Variants in PACRG observed in about 807,000 individuals in gnomAD.
PACRG encodes parkin coregulated.
In PACRG, 29 loss-of-function variants were observed where a neutral mutation model predicts 29.7. That is an observed-to-expected ratio of 0.98 (90% CI 0.73 to 1.33). PACRG has a LOEUF of 1.33. Ranked by LOEUF, PACRG falls within the 40% of genes most tolerant of loss-of-function variation. The pLI is 0.00. For missense variants in PACRG, 279 were observed against 316.2 expected (o/e 0.88, Z 0.89); for synonymous variants, 116 against 118.7 (o/e 0.98, Z 0.15).
chr6:162,989,828 G>A (rs1325961371), intron 2 of PACRG, among the ~76,000 whole-genome samples: 8 of 150,810 alleles, frequency 5.3e-5, no homozygotes, highest in Non-Finnish European at 8.8e-5. Flanking sequence ...ATGCTGGTGC[G>A]CTGCACCCAC....
At chr6:162,957,082 G>T (rs912482594) in intron 2 of PACRG, among the ~76,000 whole-genome samples, 2 of 151,932 alleles carry the variant, frequency 1.3e-5, no homozygotes, top group Non-Finnish European at 2.9e-5. Context: ...GTGATTTAGA[G>T]GTAGGCAGTA....
At chr6:163,056,954 T>G (rs1810644200) in intron 2 of PACRG, among the ~76,000 whole-genome samples, 1 of 152,160 alleles carries the variant, frequency 6.6e-6, no homozygotes, top group South Asian at 2.1e-4. Context: ...CCAGTGGGAT[T>G]CCTAATGAGG....
At chr6:162,782,360 A>T (rs1176020233) in intron 1 of PACRG, among the ~76,000 whole-genome samples, 1 of 151,946 alleles carries the variant, frequency 6.6e-6, no homozygotes, top group East Asian at 1.9e-4. Flanking sequence ...TTATTATAAC[A>T]AACATTTTTT....
intron 4 of PACRG, among the ~76,000 whole-genome samples, chr6:163,199,754 T>C (rs1780623168): frequency 6.6e-6 from 1 of 152,190 alleles, no homozygotes; most frequent in African/African-American, 2.4e-5. Flanking sequence ...CAGAACTCAT[T>C]CTTTAACTTA....
intron 2 of PACRG, among the ~76,000 whole-genome samples, chr6:163,021,800 C>T (rs1806649268): frequency 6.6e-6 from 1 of 152,204 alleles, no homozygotes; most frequent in African/African-American, 2.4e-5. Flanking sequence ...CCTGCCTTTG[C>T]CTGGGATGCC....
chr6:163,192,387 G>A (rs1468156530), intron 4 of PACRG, among the ~76,000 whole-genome samples: 1 of 152,174 alleles, frequency 6.6e-6, no homozygotes, highest in African/African-American at 2.4e-5. Flanking sequence ...CCATTGTTTA[G>A]AACTGTAATC....
chr6:163,015,707 ACT>A (rs1347451389), intron 2 of PACRG, among the ~76,000 whole-genome samples: 2 of 151,816 alleles, frequency 1.3e-5, no homozygotes, highest in African/African-American at 4.8e-5. Flanking sequence ...GTATCCTGAA[ACT>A]CTGCTGAAAT....
chr6:162,977,206 A>C (rs1342817535), intron 2 of PACRG, among the ~76,000 whole-genome samples: 3 of 152,100 alleles, frequency 2.0e-5, no homozygotes, highest in African/African-American at 7.2e-5. Flanking sequence ...TTGATAAATA[A>C]TATCACTAAC....
intron 4 of PACRG, among the ~76,000 whole-genome samples, chr6:163,130,752 G>C (rs500547): frequency 0.51 from 77,005 of 151,922 alleles, 19,994 homozygotes; most frequent in East Asian, 0.71. Flanking sequence ...TCCATGGACT[G>C]AGAGCACCTT....
intron 2 of PACRG, among the ~76,000 whole-genome samples, chr6:163,043,898 A>C (rs565084053): frequency 1.5e-4 from 23 of 152,284 alleles, no homozygotes; most frequent in Non-Finnish European, 1.9e-4. Flanking sequence ...CAAAGATTTC[A>C]GATACACGTT....
chr6:163,179,014 C>T (rs993108448), intron 4 of PACRG, among the ~76,000 whole-genome samples: 1 of 152,174 alleles, frequency 6.6e-6, no homozygotes, highest in African/African-American at 2.4e-5. Context: ...AAAGTTTTTA[C>T]TTTTCATTTG....
chr6:162,973,753 A>AGT (rs1410334398), intron 2 of PACRG, among the ~76,000 whole-genome samples: 3 of 148,246 alleles, frequency 2.0e-5, no homozygotes, highest in Non-Finnish European at 2.9e-5. Flanking sequence ...CCTTAAGAGT[A>AGT]GTGTGTGTGT....
chr6:163,122,499 CT>C (rs2128325398), intron 4 of PACRG, among the ~76,000 whole-genome samples: 1 of 152,292 alleles, frequency 6.6e-6, no homozygotes, highest in African/African-American at 2.4e-5. Flanking sequence ...AGTTCTCACC[CT>C]GCTGTTCCCA....
At chr6:163,244,418 C>T (rs1272225644) in intron 4 of PACRG, among the ~76,000 whole-genome samples, 2 of 152,136 alleles carry the variant, frequency 1.3e-5, no homozygotes, top group African/African-American at 4.8e-5. Context: ...ATTTTAGACA[C>T]TGAAAATACA....
In PACRG at chr6:163,121,697, C is replaced by T. The variant is rs1015463162; in HGVS notation, c.613+32289C>T. 4.1e-5 allele frequency among the ~76,000 whole-genome samples: 6 copies of T among 147,180 alleles called. No individual in the cohort carries two copies. In the East Asian group the frequency reaches 7.9e-4, roughly 19 times the overall value. On this transcript the variant is annotated intron_variant, in intron 4 of 4. Transcript: ENST00000366888. The stretch of plus-strand genomic sequence containing the variant: ...TTTTTTTTTTTTGAGACAGAGTCTC[C>T]GTCTGTCACCCAAGCTGGAGTGCAG...
intron 2 of PACRG, among the ~76,000 whole-genome samples, chr6:162,838,351 C>T (rs1228093639): frequency 6.6e-6 from 1 of 152,104 alleles, no homozygotes. Context: ...TTTTCCCATA[C>T]ATGTGGGAGG....
chr6:163,256,346 A>G (rs951582801), intron 4 of PACRG, among the ~76,000 whole-genome samples: 1 of 152,238 alleles, frequency 6.6e-6, no homozygotes, highest in African/African-American at 2.4e-5. Flanking sequence ...AAGATGCAAC[A>G]GTGAACAGCT....
chr6:162,785,151 A>G (rs1340192612), intron 1 of PACRG, among the ~76,000 whole-genome samples: 1 of 145,376 alleles, frequency 6.9e-6, no homozygotes. Flanking sequence ...TGACAAAGAA[A>G]GAGAGAATGA....
chr6:163,189,272 T>G (rs1014147589), intron 4 of PACRG: 3 of 152,252 alleles, frequency 2.0e-5, no homozygotes, highest in Non-Finnish European at 2.9e-5. Context: ...ATAACAGCTC[T>G]AATGACTAAT....
Sources: gnomAD v4.1 joint callset for allele counts (sites outside exome capture counted in the v4.1 genomes callset) on GRCh38, gnomAD v4.1.1 for gene constraint, MANE v1.5 for transcripts, NCBI Gene and HGNC (gene_info 2026-07-23, HGNC 2026-07-21) for gene names.